The following MIGA1 variants were observed in gnomAD, a reference collection of about 807,000 sequenced individuals.
The protein encoded by MIGA1 is family with sequence similarity 73, member A.
Under a neutral mutation model 82.0 loss-of-function variants are expected in MIGA1, and 58 were observed. The ratio of observed to expected loss-of-function variants is 0.71; its 90% CI spans 0.57 to 0.88. MIGA1 has a LOEUF of 0.88. Among genes scored for constraint, MIGA1 ranks in the 40% least tolerant of loss-of-function variants. MIGA1 has a pLI of 0.00. For synonymous variants in MIGA1, 249 were observed against 253.6 expected (o/e 0.98, Z 0.17); for missense variants, 751 against 749.1 (o/e 1.00, Z -0.03).
chr1:77,822,554 A>G (rs1683859422), intron 7 of MIGA1, among the ~76,000 whole-genome samples: 1 of 152,206 alleles, frequency 6.6e-6, no homozygotes, highest in East Asian at 1.9e-4. Context: ...CACTATTTGG[A>G]AATATTGCTG....
At chr1:77,815,340 A>G in intron 7 of MIGA1, 109 bp downstream of exon 7, 1 of 905,524 alleles carries the variant, frequency 1.1e-6, no homozygotes, top group Non-Finnish European at 1.5e-6. Context: ...TACTTAAAAA[A>G]AAATAAACTA....
intron 8 of MIGA1, among the ~76,000 whole-genome samples, chr1:77,855,348 C>A (rs188708031): frequency 5.9e-5 from 9 of 152,098 alleles, no homozygotes; most frequent in Non-Finnish European, 1.3e-4. Context: ...GAATTCTTTT[C>A]GCTTAGTCTT....
At chr1:77,868,645 TCA>T (rs1685768790) in intron 14 of MIGA1, 1 of 152,252 alleles carries the variant, frequency 6.6e-6, no homozygotes, top group Admixed American at 6.5e-5. Context: ...TGAGCTCAGC[TCA>T]CATTATTCCT....
chr1:77,861,102 A>T (rs1484009137), intron 11 of MIGA1, 122 bp from the exon 12 acceptor site: 3 of 628,046 alleles, frequency 4.8e-6, no homozygotes, highest in Admixed American at 6.7e-5. Context: ...GCATACCTTT[A>T]AAATGTATTT....
intron 8 of MIGA1, among the ~76,000 whole-genome samples, chr1:77,852,956 GCTGGGATTA>G (rs1331218102): frequency 6.6e-6 from 1 of 152,156 alleles, no homozygotes; most frequent in Non-Finnish European, 1.5e-5. Context: ...CTCCCAAAGT[GCTGGGATTA>G]CAGGAATGAG....
At chr1:77,815,723 T>C (rs1388655774) in intron 7 of MIGA1, among the ~76,000 whole-genome samples, 1 of 152,176 alleles carries the variant, frequency 6.6e-6, no homozygotes, top group Admixed American at 6.5e-5. Flanking sequence ...AAGATACTTT[T>C]TAAAAAGTTT....
chr1:77,793,942 G>A (rs1440282614), intron 2 of MIGA1, among the ~76,000 whole-genome samples: 8 of 150,832 alleles, frequency 5.3e-5, no homozygotes, highest in East Asian at 2.0e-4. Context: ...GAGCACCACC[G>A]CACCTGGCTA....
intron 8 of MIGA1, 28 bp from the exon 9 acceptor site, chr1:77,858,910 A>G (rs758012518): frequency 1.5e-6 from 2 of 1,337,884 alleles, no homozygotes; most frequent in South Asian, 2.4e-5. Context: ...CCTAGCCTGT[A>G]TTCTGTTCTA....
chr1:77,868,940 A>T (rs566052190), intron 14 of MIGA1, among the ~76,000 whole-genome samples: 2,491 of 145,164 alleles, frequency 0.017, 21 homozygotes, highest in Non-Finnish European at 0.028. Flanking sequence ...TAATTTATTT[A>T]TTTTTTTTTT....
chr1:77,855,609 C>G (rs1031724049), intron 8 of MIGA1, among the ~76,000 whole-genome samples: 8 of 151,706 alleles, frequency 5.3e-5, no homozygotes, highest in African/African-American at 1.9e-4. Context: ...TCTTTGGACT[C>G]CTTGGTTAGG....
At chr1:77,859,870 C>T in intron 10 of MIGA1, 170 bp from the exon 11 acceptor site, 4 of 532,782 alleles carry the variant, frequency 7.5e-6, no homozygotes, top group Non-Finnish European at 1.3e-5. Flanking sequence ...CTATAGGTTT[C>T]AAGAGTTCTT....
chr1:77,820,021 A>T (rs1177628422), intron 7 of MIGA1, among the ~76,000 whole-genome samples: 2 of 152,112 alleles, frequency 1.3e-5, no homozygotes, highest in Non-Finnish European at 2.9e-5. Context: ...AGGAAAGGTC[A>T]GCTTAGAGCA....
chr1:77,847,920 C>G, intron 8 of MIGA1: 1 of 1,421,894 alleles, frequency 7.0e-7, no homozygotes, highest in Admixed American at 1.7e-5. Context: ...AATAAAGAAA[C>G]TAGAGTGAAC....
chr1:77,800,141 T>C (rs1383532332), intron 2 of MIGA1, among the ~76,000 whole-genome samples: 1 of 152,210 alleles, frequency 6.6e-6, no homozygotes, highest in Non-Finnish European at 1.5e-5. Context: ...AAGCTGCTGT[T>C]TCCCTCCCTC....
chr1:77,865,195 A>G (rs1685617244), intron 13 of MIGA1, among the ~76,000 whole-genome samples: 2 of 147,728 alleles, frequency 1.4e-5, no homozygotes, highest in African/African-American at 5.0e-5. Flanking sequence ...TTCAGGATCC[A>G]CTGGGTGCTT....
At chr1:77,867,607 C>T (rs574527667) in intron 14 of MIGA1, among the ~76,000 whole-genome samples, 75 of 152,274 alleles carry the variant, frequency 4.9e-4, no homozygotes, top group South Asian at 2.9e-3. Context: ...GGATTACAGG[C>T]GTGAGCCACT....
At chr1:77,812,985 A>C (rs190324613) in intron 5 of MIGA1, among the ~76,000 whole-genome samples, 2 of 152,146 alleles carry the variant, frequency 1.3e-5, no homozygotes, top group Admixed American at 1.3e-4. Flanking sequence ...CTTCAGCTTT[A>C]CTTTCTTTTT....
At chr1:77,848,594 C>T in intron 8 of MIGA1, 7 of 1,388,222 alleles carry the variant, frequency 5.0e-6, no homozygotes, top group Non-Finnish European at 7.0e-6. Context: ...CAGGAGAAAC[C>T]CTCTAATTCT....
intron 14 of MIGA1, among the ~76,000 whole-genome samples, chr1:77,870,637 C>A (rs934674418): frequency 6.7e-6 from 1 of 150,196 alleles, no homozygotes; most frequent in Non-Finnish European, 1.5e-5. Flanking sequence ...ATATCCTAGA[C>A]GATGGGGGGC....
Sources: allele counts gnomAD v4.1 joint callset (sites outside exome capture counted in the v4.1 genomes callset), GRCh38; gene constraint gnomAD v4.1.1; transcripts MANE v1.5; gene names NCBI Gene and HGNC (gene_info 2026-07-23, HGNC 2026-07-21).